The following LYRM4 variants were observed in gnomAD, a reference collection of about 807,000 sequenced individuals.
The protein encoded by LYRM4 is LYR motif-containing protein 4.
LYRM4 carries 9 observed loss-of-function variants against 11.7 expected under a neutral mutation model. That is an observed-to-expected ratio of 0.77 (90% CI 0.46 to 1.34). The LOEUF (loss-of-function observed/expected upper bound fraction) is 1.34. Among genes scored for constraint, LYRM4 ranks in the 40% most tolerant of loss-of-function variants. The pLI, the probability that LYRM4 is intolerant of heterozygous loss-of-function variation, is 0.00. For synonymous variants in LYRM4, 42 were observed against 40.4 expected, an observed-to-expected ratio of 1.04 and a Z score of -0.15; for missense variants, 133 against 112.5, an observed-to-expected ratio of 1.18 and a Z score of -0.82.
intron 2 of LYRM4, among the ~76,000 whole-genome samples, chr6:5,115,634 C>G (rs1763084582): frequency 6.6e-6 from 1 of 152,070 alleles, no homozygotes; most frequent in Non-Finnish European, 1.5e-5. Context: ...GGAAAAGACC[C>G]CACAGGAAAC....
At chr6:5,220,329 G>GA (rs1300701412) in intron 1 of LYRM4, among the ~76,000 whole-genome samples, 1 of 152,164 alleles carries the variant, frequency 6.6e-6, no homozygotes, top group Admixed American at 6.5e-5. Flanking sequence ...TCCAATGTGT[G>GA]ATGTGGAAAC....
intron 1 of LYRM4, among the ~76,000 whole-genome samples, chr6:5,252,664 A>G (rs549193902): frequency 1.8e-4 from 27 of 152,178 alleles, no homozygotes; most frequent in African/African-American, 5.8e-4. Context: ...CCTGTTGTTT[A>G]CCTAGTGATA....
At chr6:5,041,322 T>G in the LYRM4 span, among the ~76,000 whole-genome samples, 1 of 152,218 alleles carries the variant, frequency 6.6e-6, no homozygotes, top group African/African-American at 2.4e-5. Flanking sequence ...TCCTTCTGTT[T>G]CCCAAAATTA....
the LYRM4 span, chr6:5,085,602 C>G: frequency 6.5e-7 from 1 of 1,546,858 alleles, no homozygotes; most frequent in Non-Finnish European, 8.7e-7. Context: ...AGGGTGGCGG[C>G]GACGGCGGTG....
chr6:5,243,489 A>G (rs1764003912), intron 1 of LYRM4, among the ~76,000 whole-genome samples: 1 of 152,212 alleles, frequency 6.6e-6, no homozygotes, highest in South Asian at 2.1e-4. Flanking sequence ...TCTTTCCTCC[A>G]TTCTTAAAGA....
chr6:5,127,455 T>C (rs1320990212), intron 2 of LYRM4, among the ~76,000 whole-genome samples: 2 of 152,172 alleles, frequency 1.3e-5, no homozygotes, highest in Non-Finnish European at 2.9e-5. Context: ...AAATACAGGT[T>C]AAAAAGTCAC....
intron 2 of LYRM4, among the ~76,000 whole-genome samples, chr6:5,181,640 A>G (rs541923273): frequency 1.2e-4 from 18 of 152,220 alleles, no homozygotes; most frequent in African/African-American, 4.3e-4. Context: ...CCCTGTGAGC[A>G]GATTCCATTC....
At chr6:5,100,004 CA>C, downstream of LYRM4, among the ~76,000 whole-genome samples, 1 of 152,316 alleles carries the variant, frequency 6.6e-6, no homozygotes, top group African/African-American at 2.4e-5. Context: ...TTAGACCTGT[CA>C]ATGTCTGGAC....
chr6:5,175,731 A>G (rs1581438143), intron 2 of LYRM4, among the ~76,000 whole-genome samples: 1 of 152,162 alleles, frequency 6.6e-6, no homozygotes, highest in Non-Finnish European at 1.5e-5. Context: ...ATGAAACTAC[A>G]TATTTCCAAG....
At chr6:5,176,539 T>C (rs1759732351) in intron 2 of LYRM4, among the ~76,000 whole-genome samples, 1 of 152,220 alleles carries the variant, frequency 6.6e-6, no homozygotes, top group Non-Finnish European at 1.5e-5. Flanking sequence ...CTGTCTGCTG[T>C]CCGTTCCTCC....
intron 1 of LYRM4, 124 bp from the exon 2 acceptor site, chr6:5,216,862 T>A: frequency 8.4e-7 from 1 of 1,183,438 alleles, no homozygotes; most frequent in East Asian, 2.5e-5. Flanking sequence ...ATAATCCACT[T>A]TGATCTTTGC....
chr6:5,125,225 A>G (rs1233975150), intron 2 of LYRM4, among the ~76,000 whole-genome samples: 1 of 151,630 alleles, frequency 6.6e-6, no homozygotes, highest in Non-Finnish European at 1.5e-5. Flanking sequence ...TGGCCCAGAA[A>G]CCTCCAGTGG....
chr6:5,114,890 A>G (rs1315409634), intron 2 of LYRM4, among the ~76,000 whole-genome samples: 1 of 152,186 alleles, frequency 6.6e-6, no homozygotes, highest in Non-Finnish European at 1.5e-5. Flanking sequence ...TTGCATTTGG[A>G]TATGTGGCTA....
At chr6:5,177,503 T>C (rs1759789744) in intron 2 of LYRM4, among the ~76,000 whole-genome samples, 1 of 152,226 alleles carries the variant, frequency 6.6e-6, no homozygotes, top group Non-Finnish European at 1.5e-5. Context: ...ACAATGATCA[T>C]TCAGGTGACC....
intron 2 of LYRM4, among the ~76,000 whole-genome samples, chr6:5,184,416 T>A (rs1318397761): frequency 1.3e-5 from 2 of 152,190 alleles, no homozygotes; most frequent in Non-Finnish European, 2.9e-5. Context: ...GTATTAAACA[T>A]CCTGGTGTCC....
At chr6:5,101,705 T>C (rs1762502447), downstream of LYRM4, among the ~76,000 whole-genome samples, 1 of 152,166 alleles carries the variant, frequency 6.6e-6, no homozygotes, top group Admixed American at 6.5e-5. Flanking sequence ...GGGCTGGGGT[T>C]AGAGTCCCTC....
chr6:5,092,443 G>T, the LYRM4 span, among the ~76,000 whole-genome samples: 1 of 152,134 alleles, frequency 6.6e-6, no homozygotes, highest in Non-Finnish European at 1.5e-5. Flanking sequence ...CGGGTGTGGT[G>T]GCTCACGCCT....
intron 2 of LYRM4, among the ~76,000 whole-genome samples, chr6:5,172,636 C>G (rs1265418895): frequency 6.6e-6 from 1 of 152,116 alleles, no homozygotes; most frequent in Non-Finnish European, 1.5e-5. Flanking sequence ...CAAAGGGCTC[C>G]CCAGCATCTC....
chr6:5,163,046 C>G (rs1400414747), intron 2 of LYRM4, among the ~76,000 whole-genome samples: 1 of 152,052 alleles, frequency 6.6e-6, no homozygotes, highest in Non-Finnish European at 1.5e-5. Flanking sequence ...TTTTCATTCT[C>G]TCAATAATAG....
Sources: gnomAD v4.1 joint callset for allele counts (sites outside exome capture counted in the v4.1 genomes callset) on GRCh38, gnomAD v4.1.1 for gene constraint, MANE v1.5 for transcripts, NCBI Gene and HGNC (gene_info 2026-07-23, HGNC 2026-07-21) for gene names.